Variants in NELL2 observed in about 807,000 individuals in gnomAD.
NELL2 encodes the protein neural EGFL like 2, also known as protein kinase C-binding protein NELL2.
A neutral mutation model predicts 109.6 loss-of-function variants in NELL2; 41 were observed. The ratio of observed to expected loss-of-function variants is 0.37; its 90% CI spans 0.29 to 0.49. NELL2 has a LOEUF of 0.49. NELL2 is among the 20% of genes least tolerant of loss of function. NELL2 has a pLI of 0.98. For missense variants in NELL2, 900 were observed against 1,008.3 expected, an observed-to-expected ratio of 0.89 and a Z score of 1.45; for synonymous variants, 355 against 344.7, an observed-to-expected ratio of 1.03 and a Z score of -0.33.
chr12:44,690,356 C>A (rs1948861656), intron 12 of NELL2, among the ~76,000 whole-genome samples: 1 of 152,102 alleles, frequency 6.6e-6, no homozygotes, highest in African/African-American at 2.4e-5. Flanking sequence ...AAACTCTACA[C>A]CAAAAACCTG....
chr12:44,657,671 T>G (rs983426595), intron 13 of NELL2, among the ~76,000 whole-genome samples: 2 of 152,120 alleles, frequency 1.3e-5, no homozygotes, highest in African/African-American at 4.8e-5. Flanking sequence ...GATGTTCCCC[T>G]CCCTGTGTCT....
At chr12:44,530,872 C>T (rs1375865961) in intron 16 of NELL2, among the ~76,000 whole-genome samples, 1 of 152,186 alleles carries the variant, frequency 6.6e-6, no homozygotes, top group East Asian at 1.9e-4. Context: ...GAACCGGAGC[C>T]ACCCAGCTAA....
chr12:44,715,777 C>A (rs1592386867), intron 9 of NELL2, among the ~76,000 whole-genome samples: 1 of 152,130 alleles, frequency 6.6e-6, no homozygotes, highest in East Asian at 1.9e-4. Context: ...TTACTAAATC[C>A]AATTTTTTAT....
chr12:44,607,316 T>C (rs775248439), intron 14 of NELL2, 52 bp from the exon 15 acceptor site: 3 of 1,446,830 alleles, frequency 2.1e-6, no homozygotes, highest in Non-Finnish European at 1.9e-6. Context: ...AGTAGTTTAA[T>C]AAACTCCAAA....
At chr12:44,654,236 G>T (rs527905356) in intron 13 of NELL2, among the ~76,000 whole-genome samples, 3 of 152,190 alleles carry the variant, frequency 2.0e-5, no homozygotes, top group African/African-American at 7.2e-5. Context: ...AAGCTCTGGT[G>T]TAAAGAAAAG....
chr12:44,639,851 A>G (rs145177154), intron 13 of NELL2, among the ~76,000 whole-genome samples: 182 of 151,852 alleles, frequency 1.2e-3, no homozygotes, highest in African/African-American at 4.2e-3. Flanking sequence ...AACTCCTTCC[A>G]TGGTTTCAGA....
At chr12:44,746,692 G>T (rs1408864270) in intron 9 of NELL2, among the ~76,000 whole-genome samples, 1 of 152,122 alleles carries the variant, frequency 6.6e-6, no homozygotes, top group African/African-American at 2.4e-5. Flanking sequence ...AAAAACACAT[G>T]AAAAAATGCT....
intron 2 of NELL2, among the ~76,000 whole-genome samples, chr12:44,822,956 C>CAG (rs140625512): frequency 4.4e-4 from 66 of 149,602 alleles, no homozygotes; most frequent in South Asian, 1.5e-3. Flanking sequence ...GAGGAGGAGA[C>CAG]AGAGAGAGAG....
chr12:44,921,834 G>T (rs995671862), exon 1 of NELL2: 10 of 152,066 alleles, frequency 6.6e-5, no homozygotes, highest in Non-Finnish European at 1.3e-4. Flanking sequence ...GACAGCTTCA[G>T]TTCACATGTG....
chr12:44,718,590 C>T (rs892636674), intron 9 of NELL2, among the ~76,000 whole-genome samples: 1 of 152,154 alleles, frequency 6.6e-6, no homozygotes, highest in Admixed American at 6.6e-5. Flanking sequence ...CCTCCAATCA[C>T]TTACTAGCTT....
At chr12:44,820,296 G>C (rs1460731979) in intron 2 of NELL2, among the ~76,000 whole-genome samples, 1 of 152,064 alleles carries the variant, frequency 6.6e-6, no homozygotes, top group Non-Finnish European at 1.5e-5. Flanking sequence ...GGAGGGGTAG[G>C]ATTCAGGATA....
At chr12:44,759,110 T>A (rs1941013994) in intron 9 of NELL2, among the ~76,000 whole-genome samples, 1 of 152,216 alleles carries the variant, frequency 6.6e-6, no homozygotes, top group African/African-American at 2.4e-5. Flanking sequence ...TTGTTACTCT[T>A]GGGTATGACT....
intron 14 of NELL2, 25 bp from the exon 15 acceptor site, chr12:44,607,289 T>G: frequency 6.3e-7 from 1 of 1,596,588 alleles, no homozygotes; most frequent in Admixed American, 1.7e-5. Flanking sequence ...ATACATGATT[T>G]TAGCACTTTA....
At chr12:44,748,543 C>CAA (rs1251566275) in intron 9 of NELL2, among the ~76,000 whole-genome samples, 1 of 152,110 alleles carries the variant, frequency 6.6e-6, no homozygotes, top group East Asian at 1.9e-4. Context: ...CTAAATAAAT[C>CAA]AGAGTTGGCA....
At chr12:44,684,120 T>C (rs1273657129) in intron 12 of NELL2, among the ~76,000 whole-genome samples, 1 of 152,216 alleles carries the variant, frequency 6.6e-6, no homozygotes, top group East Asian at 1.9e-4. Context: ...TATTCAGAGA[T>C]TCAACTTCTT....
upstream of NELL2, among the ~76,000 whole-genome samples, chr12:44,914,690 C>T (rs1011806566): frequency 6.6e-6 from 1 of 151,800 alleles, no homozygotes; most frequent in South Asian, 2.1e-4. Context: ...AGTAGCTGCT[C>T]GGTAAATATT....
chr12:44,849,407 T>C (rs1331116257), intron 2 of NELL2, among the ~76,000 whole-genome samples: 6 of 152,144 alleles, frequency 3.9e-5, no homozygotes, highest in Non-Finnish European at 8.8e-5. Context: ...AAATATATAA[T>C]GATCAGTGAA....
intron 9 of NELL2, among the ~76,000 whole-genome samples, chr12:44,756,056 A>G (rs1940876504): frequency 6.6e-6 from 1 of 152,120 alleles, no homozygotes; most frequent in Non-Finnish European, 1.5e-5. Context: ...AATTCACCTT[A>G]GATCTCACTT....
intron 13 of NELL2, among the ~76,000 whole-genome samples, chr12:44,631,335 A>T (rs1237296079): frequency 1.3e-5 from 2 of 151,536 alleles, no homozygotes; most frequent in Admixed American, 1.3e-4. Flanking sequence ...ACATCCAAAG[A>T]ACCCATGAGT....
Sources: gnomAD v4.1 joint callset for allele counts (sites outside exome capture counted in the v4.1 genomes callset) on GRCh38, gnomAD v4.1.1 for gene constraint, MANE v1.5 for transcripts, NCBI Gene and HGNC (gene_info 2026-07-23, HGNC 2026-07-21) for gene names.